The following ADAMTSL1 variants were observed in gnomAD, a reference collection of about 807,000 sequenced individuals.
ADAMTSL1 encodes ADAMTS-like protein 1.
ADAMTSL1 carries 126 observed loss-of-function variants against 201.8 expected under a neutral mutation model. That is an observed-to-expected ratio of 0.62 (90% CI 0.54 to 0.72). ADAMTSL1 has a LOEUF of 0.72. Among genes scored for constraint, ADAMTSL1 ranks in the 30% least tolerant of loss-of-function variants. ADAMTSL1 has a pLI of 0.00. For synonymous variants in ADAMTSL1, 1,121 were observed against 903.4 expected (o/e 1.24, Z -4.32); for missense variants, 2,679 against 2,277.8 (o/e 1.18, Z -3.59).
At chr9:18,272,863 A>G (rs1164469540) in intron 2 of ADAMTSL1, among the ~76,000 whole-genome samples, 1 of 152,186 alleles carries the variant, frequency 6.6e-6, no homozygotes, top group Non-Finnish European at 1.5e-5. Flanking sequence ...AGCTCATAGC[A>G]GTTAAAATCT....
intron 1 of ADAMTSL1, among the ~76,000 whole-genome samples, chr9:18,066,380 T>C (rs1164453932): frequency 2.0e-5 from 3 of 152,138 alleles, no homozygotes; most frequent in Non-Finnish European, 4.4e-5. Flanking sequence ...ATATAAGACA[T>C]AGGAGGTAGG....
chr9:18,536,573 G>T (rs1157855518), intron 3 of ADAMTSL1, among the ~76,000 whole-genome samples: 1 of 151,868 alleles, frequency 6.6e-6, no homozygotes, highest in Non-Finnish European at 1.5e-5. Context: ...CATAGTCATG[G>T]TACTTTCTTA....
intron 4 of ADAMTSL1, among the ~76,000 whole-genome samples, chr9:18,602,557 A>T (rs902524035): frequency 6.6e-6 from 1 of 152,084 alleles, no homozygotes; most frequent in Admixed American, 6.5e-5. Flanking sequence ...GCCTGCCTTT[A>T]TTGTTCCAGG....
chr9:18,845,605 C>T (rs1826055518), intron 23 of ADAMTSL1, among the ~76,000 whole-genome samples: 1 of 152,234 alleles, frequency 6.6e-6, no homozygotes, highest in Non-Finnish European at 1.5e-5. Flanking sequence ...GTATTCTGAC[C>T]ACCCAAGACA....
At chr9:18,653,346 G>A (rs1411124194) in intron 7 of ADAMTSL1, among the ~76,000 whole-genome samples, 1 of 152,142 alleles carries the variant, frequency 6.6e-6, no homozygotes, top group Non-Finnish European at 1.5e-5. Context: ...AGTCTGCTTT[G>A]CCACTCAGTA....
chr9:18,876,393 G>A (rs1828160489), intron 23 of ADAMTSL1, among the ~76,000 whole-genome samples: 1 of 151,212 alleles, frequency 6.6e-6, no homozygotes, highest in South Asian at 2.1e-4. Context: ...GGTGTATTTT[G>A]AGGATTTGTT....
intron 4 of ADAMTSL1, among the ~76,000 whole-genome samples, chr9:18,585,470 C>A (rs1309702639): frequency 6.6e-6 from 1 of 151,804 alleles, no homozygotes; most frequent in African/African-American, 2.4e-5. Flanking sequence ...CTTCTTCTGC[C>A]AATTCTGTGG....
chr9:18,597,810 C>A (rs929669973), intron 4 of ADAMTSL1, among the ~76,000 whole-genome samples: 2 of 152,012 alleles, frequency 1.3e-5, no homozygotes, highest in Non-Finnish European at 2.9e-5. Context: ...AGATTTTGAG[C>A]CTTTGAACAT....
In ADAMTSL1 at chr9:18,908,485, G is replaced by A; in HGVS notation, c.5226G>A (p.Gln1742=). The A allele has an allele frequency of 6.4e-7, 1 of 1,564,960 alleles. No homozygotes were observed. Among genetic ancestry groups the A allele is most frequent in the South Asian group, 1.2e-5 (1 of 84,622 alleles). Residue 1742 remains glutamine (Q), a synonymous_variant, in exon 29 of 29, where the codon CAG becomes CAA. Transcript: ENST00000380548. ...CCAGGTACTGCGAGAAGGTGAAACA[G>A]CTGAAACTCTGCCAACTCAGCCAGT... The part of the protein sequence containing the change: ...DTTRYCEKVK[Q]LKLCQLSQFK...
intron 2 of ADAMTSL1, among the ~76,000 whole-genome samples, chr9:18,354,003 A>G (rs536215287): frequency 6.6e-6 from 1 of 150,538 alleles, no homozygotes; most frequent in South Asian, 2.1e-4. Context: ...CTATACATGT[A>G]TACATCTTTA....
intron 2 of ADAMTSL1, among the ~76,000 whole-genome samples, chr9:18,206,485 G>A (rs576449877): frequency 6.6e-6 from 1 of 152,086 alleles, no homozygotes; most frequent in East Asian, 1.9e-4. Flanking sequence ...ACTTCATTGA[G>A]TTCTCATGAC....
intron 4 of ADAMTSL1, among the ~76,000 whole-genome samples, chr9:18,583,682 G>A (rs1823269847): frequency 6.6e-6 from 1 of 152,188 alleles, no homozygotes; most frequent in Admixed American, 6.5e-5. Context: ...AGCCGGGAAG[G>A]AGGCTGTGCC....
chr9:18,098,273 G>C (rs892974425), intron 1 of ADAMTSL1, among the ~76,000 whole-genome samples: 2 of 151,900 alleles, frequency 1.3e-5, no homozygotes, highest in African/African-American at 4.8e-5. Context: ...CCTTTTTCAA[G>C]ACTATTTTGA....
chr9:18,766,786 C>G (rs910830136), intron 16 of ADAMTSL1, among the ~76,000 whole-genome samples: 2 of 151,998 alleles, frequency 1.3e-5, no homozygotes, highest in Non-Finnish European at 2.9e-5. Context: ...CCGTCATGAC[C>G]TAATCATCTC....
At chr9:18,486,705 C>CA (rs1298535641) in intron 1 of ADAMTSL1, among the ~76,000 whole-genome samples, 6 of 151,198 alleles carry the variant, frequency 4.0e-5, no homozygotes, top group South Asian at 2.1e-4. Flanking sequence ...GACCTTGTCT[C>CA]AAAAAAAAGC....
intron 23 of ADAMTSL1, among the ~76,000 whole-genome samples, chr9:18,885,389 T>C (rs969502283): frequency 4.6e-5 from 7 of 152,250 alleles, no homozygotes; most frequent in African/African-American, 1.7e-4. Flanking sequence ...GACAAATATC[T>C]GAACCATAGT....
At chr9:18,760,582 C>T (rs1820019331) in intron 16 of ADAMTSL1, among the ~76,000 whole-genome samples, 1 of 152,168 alleles carries the variant, frequency 6.6e-6, no homozygotes, top group South Asian at 2.1e-4. Context: ...GCCTATGCTG[C>T]CTGAGTCATT....
chr9:18,190,080 G>A (rs1828908623), intron 2 of ADAMTSL1, among the ~76,000 whole-genome samples: 1 of 152,134 alleles, frequency 6.6e-6, no homozygotes, highest in Non-Finnish European at 1.5e-5. Context: ...ACCTCTAAGG[G>A]GATCCAGCAC....
chr9:18,086,544 T>C (rs977078831), intron 1 of ADAMTSL1, among the ~76,000 whole-genome samples: 4 of 152,216 alleles, frequency 2.6e-5, no homozygotes, highest in African/African-American at 9.6e-5. Flanking sequence ...ATTACATTCT[T>C]TTACCTACTG....
Sources: gnomAD v4.1 joint callset for allele counts (sites outside exome capture counted in the v4.1 genomes callset) on GRCh38, gnomAD v4.1.1 for gene constraint, MANE v1.5 for transcripts, NCBI Gene and HGNC (gene_info 2026-07-23, HGNC 2026-07-21) for gene names.